Variants in TBCD observed in about 807,000 individuals in gnomAD.
TBCD encodes the protein tubulin-specific chaperone D.
TBCD carries 105 observed loss-of-function variants against 169.3 expected under a neutral mutation model. The observed-to-expected ratio is 0.62, with a 90% CI of 0.53 to 0.73. The LOEUF (loss-of-function observed/expected upper bound fraction) is 0.73, where lower values mean the gene tolerates loss of function less well. TBCD is among the 30% of genes least tolerant of loss of function. The probability of loss-of-function intolerance (pLI) is 0.00; values close to 1 mark genes in which losing one functional copy is unlikely to be tolerated. For synonymous variants in TBCD, 700 were observed against 643.9 expected, an observed-to-expected ratio of 1.09 and a Z score of -1.32; for missense variants, 1,444 against 1,600.1, an observed-to-expected ratio of 0.90 and a Z score of 1.66.
intron 4 of TBCD, 134 bp from the exon 5 acceptor site, chr17:82,768,286 C>A (rs1381944802): frequency 9.2e-7 from 1 of 1,087,200 alleles, no homozygotes; most frequent in Non-Finnish European, 1.3e-6. Flanking sequence ...CATTTCTGGC[C>A]CTGAGGGTGA....
At chr17:82,815,753 C>T (rs375524649) in intron 13 of TBCD, among the ~76,000 whole-genome samples, 4 of 152,286 alleles carry the variant, frequency 2.6e-5, no homozygotes, top group East Asian at 3.9e-4. Flanking sequence ...GGTGGCCTCA[C>T]GTCTTCCCAG....
intron 18 of TBCD, among the ~76,000 whole-genome samples, chr17:82,901,876 A>G (rs1173530928): frequency 6.6e-6 from 1 of 152,256 alleles, no homozygotes; most frequent in Non-Finnish European, 1.5e-5. Flanking sequence ...AAGGTCCCCT[A>G]AACCGAACCT....
At chr17:82,758,647 GCTTTTTTTTTTTT>G (rs1297655334) in intron 2 of TBCD, among the ~76,000 whole-genome samples, 3 of 131,282 alleles carry the variant, frequency 2.3e-5, no homozygotes, top group South Asian at 2.3e-4. Context: ...CCACCCTTTT[GCTTTTTTTTTTTT>G]CTTTTTTTTT....
At chr17:82,892,863 T>C (rs537719402) in intron 16 of TBCD, among the ~76,000 whole-genome samples, 1 of 152,196 alleles carries the variant, frequency 6.6e-6, no homozygotes, top group Non-Finnish European at 1.5e-5. Flanking sequence ...AGTAACACCA[T>C]GTAGGCTGCG....
chr17:82,924,914 C>T (rs1029437461), intron 26 of TBCD, 25 bp from the exon 27 acceptor site: 2 of 1,545,048 alleles, frequency 1.3e-6, no homozygotes, highest in Non-Finnish European at 1.8e-6. Context: ...GAGGGCCTCT[C>T]TTCACACTCG....
At chr17:82,790,495 T>C (rs2049635887) in intron 7 of TBCD, among the ~76,000 whole-genome samples, 1 of 152,140 alleles carries the variant, frequency 6.6e-6, no homozygotes, top group Non-Finnish European at 1.5e-5. Flanking sequence ...TCCCCCCGTG[T>C]GTCCTGGTGT....
intron 7 of TBCD, among the ~76,000 whole-genome samples, chr17:82,793,125 A>G (rs546283192): frequency 2.0e-5 from 3 of 152,274 alleles, no homozygotes; most frequent in African/African-American, 7.2e-5. Context: ...TCAGAAATTT[A>G]TTTTGTCAGA....
chr17:82,789,579 G>A lies in TBCD; in HGVS notation c.771+7858G>A, dbSNP rs80146362. ...CTGACCTGTGGCCCCTGTGCAGGTTGGGGTGCCCCTGCCCTCTCCCCTGCC... is the reference window on the plus strand; with the variant it reads ...CTGACCTGTGGCCCCTGTGCAGGTTAGGGTGCCCCTGCCCTCTCCCCTGCC... On this transcript the variant is annotated intron_variant, in intron 7 of 38. Transcript: ENST00000355528. The surrounding 1 kb of genome is among the most constrained non-coding windows in gnomAD (Gnocchi z 4.8). Among the ~76,000 whole-genome samples, 1,162 of 152,234 alleles carry A rather than the reference G, an allele frequency of 7.6e-3. 14 individuals carry two copies. Among genetic ancestry groups the A allele is most frequent in the African/African-American group, 0.027 (1,121 of 41,554 alleles).
Position 82,884,157 on chromosome 17 carries a change from T to G in TBCD, c.1488T>G (p.Ile496Met). The stretch of plus-strand genomic sequence containing the variant: ...CTCTTTTTCACAGTGCACTGGTGAT[T>G]GCTGCGGTGTTTGACCGAGACATAA... ...FVTAISSALV[I>M]AAVFDRDINC... The change falls in exon 15 of 39, where the codon ATT becomes ATG. Residue 496 changes from isoleucine (I) to methionine (M), a missense_variant. By Grantham distance (10) the Ile-to-Met change is conservative. Transcript: ENST00000355528. The surrounding 1 kb of genome is among the most constrained non-coding windows in gnomAD (Gnocchi z 4.2). 6.2e-7 allele frequency: 1 copy of G among 1,610,422 alleles called. No homozygotes were observed. Among genetic ancestry groups the G allele is most frequent in the African/African-American group, 1.3e-5 (1 of 75,048 alleles).
chr17:82,837,296 A>C (rs569660948), intron 13 of TBCD, among the ~76,000 whole-genome samples: 2 of 152,336 alleles, frequency 1.3e-5, no homozygotes, highest in East Asian at 3.9e-4. Context: ...ACAGCGTTTG[A>C]AATAGTCTCT....
In TBCD at chr17:82,864,387, C is replaced by G. The variant is rs1434622820; in HGVS notation, c.1319-5837C>G. ...CTCTCTGTGCTCTCCAGGAGGTGGC[C>G]TTTCACAGCAGGGACGTTCTGTGCT... On this transcript the variant is annotated intron_variant, in intron 13 of 38. Transcript: ENST00000355528. The surrounding 1 kb of genome is among the most constrained non-coding windows in gnomAD (Gnocchi z 6.3). 1 of 152,256 alleles carries G rather than the reference C, an allele frequency of 6.6e-6. No individual in the cohort carries two copies. Among genetic ancestry groups the G allele is most frequent in the Non-Finnish European group, 1.5e-5 (1 of 68,062 alleles). 9.4% of individuals were successfully genotyped at this position (152,256 alleles called of 1,614,324 possible).
intron 4 of TBCD, among the ~76,000 whole-genome samples, chr17:82,767,240 T>G (rs2048059042): frequency 6.6e-6 from 1 of 152,062 alleles, no homozygotes; most frequent in African/African-American, 2.4e-5. Flanking sequence ...AACCGTGCAG[T>G]GCGGTGGCTT....
rs1033547372 is a variant in TBCD, at chr17:82,944,849, C to A, written c.*2386C>A. 12 of 152,126 alleles carry A rather than the reference C, an allele frequency of 7.9e-5. No homozygotes were observed. Among genetic ancestry groups the A allele is most frequent in the African/African-American group, 2.9e-4 (12 of 41,436 alleles). The allele number at this position is 152,126 out of a possible 1,614,324, so 9.4% of individuals were successfully genotyped here. A position where few individuals can be genotyped will look rare whatever the true frequency, so the allele number is the denominator to read the frequency against. ...GGATGAGAGAATTTAAGGCCCAGGGCCAGATCTAATGGACCACTATATAAA... is the reference window on the plus strand; with the variant it reads ...GGATGAGAGAATTTAAGGCCCAGGGACAGATCTAATGGACCACTATATAAA... On this transcript the variant is annotated 3_prime_UTR_variant, in exon 39 of 39. Coordinates refer to ENST00000355528, the MANE Select transcript of TBCD (RefSeq NM_005993.5).
intron 20 of TBCD, among the ~76,000 whole-genome samples, chr17:82,906,885 C>G (rs748734461): frequency 6.6e-6 from 1 of 152,242 alleles, no homozygotes; most frequent in African/African-American, 2.4e-5. Flanking sequence ...TGGCGCTGCT[C>G]TGTGGTTGTG....
At chr17:82,940,198 C>T (rs2062995191) in intron 37 of TBCD, among the ~76,000 whole-genome samples, 1 of 146,514 alleles carries the variant, frequency 6.8e-6, no homozygotes, top group East Asian at 2.0e-4. Context: ...TGCTGGCTCA[C>T]ACACATGCTC....
intron 13 of TBCD, among the ~76,000 whole-genome samples, chr17:82,851,318 T>C (rs574071454): frequency 9.2e-5 from 14 of 152,358 alleles, no homozygotes; most frequent in Non-Finnish European, 1.9e-4. Context: ...AAAATTATTC[T>C]ATCTAAAATT....
In TBCD at chr17:82,927,318, C is replaced by T. The variant is rs1248371031; in HGVS notation, c.2604C>T (p.Gly868=). The T allele has an allele frequency of 1.9e-5, 31 of 1,613,690 alleles. No homozygotes were observed. The highest frequency in any genetic ancestry group is 2.7e-5 in the African/African-American group (2 of 74,934). The part of the protein sequence containing the change: ...DYTTDSRGDV[G]TWVRKAAMTS... ...CCACGGACAGCAGAGGGGACGTGGG[C>T]ACCTGGTACGTACGTAGCAGTGGGT... Residue 868 remains glycine, a synonymous_variant, in exon 29 of 39, where the codon GGC becomes GGT. Coordinates refer to ENST00000355528, the MANE Select transcript of TBCD (RefSeq NM_005993.5).
Position 82,832,320 on chromosome 17 carries a change from C to T in TBCD, c.1318+17386C>T. On this transcript the variant is annotated intron_variant, in intron 13 of 38. Transcript: ENST00000355528. This position sits in a 1 kb window ranked among gnomAD's most constrained non-coding sequence, Gnocchi z 4.9. The stretch of plus-strand genomic sequence containing the variant: ...TAATCGAGTTTTTACAAAGACCATA[C>T]TTCATGTGATTAAAAAGATGTGACT... 2 of 1,614,222 alleles carry T rather than the reference C, an allele frequency of 1.2e-6. No individual in the cohort carries two copies. Among genetic ancestry groups the T allele is most frequent in the African/African-American group, 1.3e-5 (1 of 75,052 alleles).
At chr17:82,929,820 C>G (rs2147315376) in intron 32 of TBCD, 1 of 494,362 alleles carries the variant, frequency 2.0e-6, no homozygotes, top group Non-Finnish European at 3.7e-6. Flanking sequence ...ATGTGGGTAC[C>G]TGGGCTCCAT....
Sources: allele counts gnomAD v4.1 joint callset (sites outside exome capture counted in the v4.1 genomes callset), GRCh38; gene constraint gnomAD v4.1.1; non-coding constraint Gnocchi (gnomAD v3.1); transcripts MANE v1.5; gene names NCBI Gene and HGNC (gene_info 2026-07-23, HGNC 2026-07-21).